Variants in MKX observed in about 807,000 individuals in gnomAD.
MKX encodes the protein mohawk homeobox.
A neutral mutation model predicts 36.0 loss-of-function variants in MKX; 13 were observed. The observed-to-expected ratio is 0.36, with a 90% CI of 0.24 to 0.57. MKX has a LOEUF of 0.57. Ranked by LOEUF, MKX falls within the 20% of genes least tolerant of loss-of-function variation. The probability of loss-of-function intolerance (pLI) is 0.79; values close to 1 mark genes in which losing one functional copy is unlikely to be tolerated. For missense variants in MKX, 458 were observed against 456.4 expected (o/e 1.00, Z -0.03); for synonymous variants, 176 against 178.3 (o/e 0.99, Z 0.10).
rs72631837 is a variant in MKX at position 27,733,349 on chromosome 10, T to C, written c.838+1107A>G. On this transcript the variant is annotated intron_variant, in intron 5 of 6. Coordinates refer to ENST00000419761, the MANE Select transcript of MKX (RefSeq NM_173576.3). Reference sequence around the variant, plus strand: ...TTTAGATTTCTTAATAAAGCCCTACTGTTCATGGACCAAGCTTCTTGATAT... The same window carrying C: ...TTTAGATTTCTTAATAAAGCCCTACCGTTCATGGACCAAGCTTCTTGATAT... 0.015 allele frequency among the ~76,000 whole-genome samples: 2,360 copies of C among 152,286 alleles called. 152 individuals carry two copies. In the East Asian group the frequency reaches 0.2, roughly 13 times the overall value.
rs547780445 is a variant in MKX at position 27,734,671 on chromosome 10, G to A, written c.623C>T (p.Ala208Val). The A allele has an allele frequency of 5.6e-6, 9 of 1,614,060 alleles. No homozygotes were observed. Among genetic ancestry groups the A allele is most frequent in the Middle Eastern group, 1.6e-4 (1 of 6,062 alleles). ...IKAGVRPESR[A>V]SEDYVAPPKY... Reference sequence around the variant, plus strand: ...GGGGGGTGCCACGTAGTCCTCACTGGCCCGTGACTCTGGCCTCACTCCCGC... The same window carrying A: ...GGGGGGTGCCACGTAGTCCTCACTGACCCGTGACTCTGGCCTCACTCCCGC... Residue 208 changes from alanine to valine, a missense_variant, in exon 5 of 7, where the codon GCC becomes GTC. Ala to Val is a moderately conservative substitution (Grantham distance 64, BLOSUM62 0). Coordinates refer to ENST00000419761, the MANE Select transcript of MKX (RefSeq NM_173576.3).
chr10:27,722,074 T>C (rs1320186813), intron 5 of MKX, among the ~76,000 whole-genome samples: 1 of 152,214 alleles, frequency 6.6e-6, no homozygotes, highest in Non-Finnish European at 1.5e-5. Flanking sequence ...TCAGAAAATA[T>C]ACTTCTGATA....
At chr10:27,703,171 G>A (rs1341733363) in intron 5 of MKX, among the ~76,000 whole-genome samples, 1 of 152,134 alleles carries the variant, frequency 6.6e-6, no homozygotes, top group Non-Finnish European at 1.5e-5. Flanking sequence ...TGCCATAGAA[G>A]AGCATTCTCT....
chr10:27,689,101 G>A (rs2815560), intron 5 of MKX, among the ~76,000 whole-genome samples: 122,112 of 152,082 alleles, frequency 0.8, 49,086 homozygotes, highest in Admixed American at 0.84. Flanking sequence ...TCACATTATT[G>A]CCATGCTTTT....
chr10:27,687,557 C>T (rs2132504270), intron 5 of MKX, among the ~76,000 whole-genome samples: 1 of 152,274 alleles, frequency 6.6e-6, no homozygotes, highest in South Asian at 2.1e-4. Context: ...GTAAAATGCA[C>T]AGCTCTTCTG....
At chr10:27,735,401 CA>C in intron 3 of MKX, 27 bp from the exon 4 acceptor site, 1 of 1,592,242 alleles carries the variant, frequency 6.3e-7, no homozygotes, top group Non-Finnish European at 8.6e-7. Flanking sequence ...TTTCAATTAA[CA>C]AAACTTAAAA....
At chr10:27,726,894 C>T (rs758715998) in intron 5 of MKX, among the ~76,000 whole-genome samples, 9 of 152,054 alleles carry the variant, frequency 5.9e-5, no homozygotes, top group Non-Finnish European at 1.0e-4. Context: ...AACACGAATT[C>T]ATTCACTGAA....
chr10:27,728,522 C>T (rs920521992), intron 5 of MKX, among the ~76,000 whole-genome samples: 1 of 152,200 alleles, frequency 6.6e-6, no homozygotes, highest in Non-Finnish European at 1.5e-5. Flanking sequence ...TAAGCCAGAG[C>T]TTTCATGGAG....
At chr10:27,700,624 A>AC (rs1836633789) in intron 5 of MKX, among the ~76,000 whole-genome samples, 1 of 152,166 alleles carries the variant, frequency 6.6e-6, no homozygotes, top group Non-Finnish European at 1.5e-5. Context: ...CAAAAGATAG[A>AC]CATACTTTCC....
chr10:27,701,766 TTATAA>T (rs987769045), intron 5 of MKX, among the ~76,000 whole-genome samples: 36 of 145,910 alleles, frequency 2.5e-4, no homozygotes, highest in Non-Finnish European at 2.4e-4. Flanking sequence ...TATATATAAA[TTATAA>T]TATAAATATA....
chr10:27,721,806 G>T (rs1834386043), intron 5 of MKX, among the ~76,000 whole-genome samples: 1 of 152,130 alleles, frequency 6.6e-6, no homozygotes, highest in Non-Finnish European at 1.5e-5. Context: ...CAAATGTCAT[G>T]CTATTAATAT....
chr10:27,690,295 C>T (rs377325779), intron 5 of MKX, among the ~76,000 whole-genome samples: 1 of 151,754 alleles, frequency 6.6e-6, no homozygotes, highest in African/African-American at 2.4e-5. Context: ...CATTTGAGCC[C>T]GGAGGCGGAG....
intron 5 of MKX, among the ~76,000 whole-genome samples, chr10:27,686,453 G>T (rs1325306047): frequency 6.9e-6 from 1 of 145,388 alleles, no homozygotes; most frequent in East Asian, 2.1e-4. Context: ...AAGGAAAGAG[G>T]GGGAAGAGAA....
chr10:27,726,843 TG>T (rs1426649292), intron 5 of MKX, among the ~76,000 whole-genome samples: 1 of 152,124 alleles, frequency 6.6e-6, no homozygotes, highest in African/African-American at 2.4e-5. Context: ...TAAATTTAAA[TG>T]TTTTTTATGA....
chr10:27,729,685 C>T (rs1834580915), intron 5 of MKX, among the ~76,000 whole-genome samples: 1 of 152,032 alleles, frequency 6.6e-6, no homozygotes, highest in Admixed American at 6.5e-5. Context: ...TCAAGTCGAG[C>T]AAAACAAGAG....
intron 5 of MKX, among the ~76,000 whole-genome samples, chr10:27,684,551 A>G (rs537235599): frequency 6.6e-6 from 1 of 152,308 alleles, no homozygotes; most frequent in Admixed American, 6.5e-5. Flanking sequence ...GACATGTGTT[A>G]TAACCTGCAT....
intron 5 of MKX, among the ~76,000 whole-genome samples, chr10:27,731,038 G>A (rs1427702316): frequency 1.3e-5 from 2 of 150,980 alleles, no homozygotes; most frequent in African/African-American, 4.9e-5. Flanking sequence ...GGAGGCTGAG[G>A]CAGGAGAATT....
chr10:27,741,310 G>C lies in MKX; in HGVS notation c.348+35C>G, dbSNP rs768440921. 5.6e-6 allele frequency: 9 copies of C among 1,606,808 alleles called. No homozygotes were observed. The highest frequency in any genetic ancestry group is 7.6e-6 in the Non-Finnish European group (9 of 1,177,598). On this transcript the variant is annotated intron_variant, in intron 3 of 6. Coordinates refer to ENST00000419761, the MANE Select transcript of MKX (RefSeq NM_173576.3). This position sits in a 1 kb window ranked among gnomAD's most constrained non-coding sequence, Gnocchi z 5.1. ...GTTCCCGCTCTTCAGCCCCTCGCGG[G>C]AAAACGGATCAGGGTGTTAATGGGT...
intron 5 of MKX, among the ~76,000 whole-genome samples, chr10:27,711,494 T>C (rs868845857): frequency 5.9e-5 from 2 of 34,152 alleles, no homozygotes; most frequent in African/African-American, 1.4e-4. Context: ...TCTCTCTCTC[T>C]CTTCTTTCCT....
Sources: allele counts gnomAD v4.1 joint callset (sites outside exome capture counted in the v4.1 genomes callset), GRCh38; gene constraint gnomAD v4.1.1; non-coding constraint Gnocchi (gnomAD v3.1); transcripts MANE v1.5; gene names NCBI Gene and HGNC (gene_info 2026-07-23, HGNC 2026-07-21).